DPP10: variants seen among roughly 807,000 people sequenced by gnomAD.
DPP10 encodes the protein inactive dipeptidyl peptidase 10.
DPP10 carries 33 observed loss-of-function variants against 120.9 expected under a neutral mutation model. The ratio of observed to expected loss-of-function variants is 0.27; its 90% CI spans 0.21 to 0.37. DPP10 has a LOEUF of 0.37. Ranked by LOEUF, DPP10 falls within the 10% of genes least tolerant of loss-of-function variation. DPP10 has a pLI of 1.00. For synonymous variants in DPP10, 337 were observed against 326.1 expected, an observed-to-expected ratio of 1.03 and a Z score of -0.36; for missense variants, 816 against 942.8, an observed-to-expected ratio of 0.87 and a Z score of 1.76.
intron 1 of DPP10, among the ~76,000 whole-genome samples, chr2:114,566,629 C>T (rs1689221468): frequency 6.6e-6 from 1 of 152,076 alleles, no homozygotes; most frequent in South Asian, 2.1e-4. Flanking sequence ...ATTTTTAATT[C>T]TGATTGAATG....
At chr2:115,607,873 A>ACTCT (rs1178258901) in intron 5 of DPP10, among the ~76,000 whole-genome samples, 1 of 152,206 alleles carries the variant, frequency 6.6e-6, no homozygotes, top group Non-Finnish European at 1.5e-5. Context: ...AATATGTAGA[A>ACTCT]ACCAGAGAAT....
chr2:115,466,821 C>T (rs1558704442), intron 3 of DPP10, among the ~76,000 whole-genome samples: 1 of 152,102 alleles, frequency 6.6e-6, no homozygotes, highest in African/African-American at 2.4e-5. Context: ...TTTGTTTACT[C>T]ACAGGTAAAA....
chr2:114,921,954 T>C (rs1397884107), intron 1 of DPP10, among the ~76,000 whole-genome samples: 1 of 152,230 alleles, frequency 6.6e-6, no homozygotes, highest in East Asian at 1.9e-4. Flanking sequence ...ACTCTACTAC[T>C]TTTTGAGGTT....
chr2:114,509,026 GAGAGAGAGAA>G (rs1179977895), intron 1 of DPP10, among the ~76,000 whole-genome samples: 1 of 152,154 alleles, frequency 6.6e-6, no homozygotes, highest in Non-Finnish European at 1.5e-5. Context: ...AAGAGAGAGA[GAGAGAGAGAA>G]AGAGAGAGAG....
chr2:115,622,323 T>C (rs2085012657), intron 5 of DPP10, among the ~76,000 whole-genome samples: 1 of 152,158 alleles, frequency 6.6e-6, no homozygotes, highest in South Asian at 2.1e-4. Context: ...TTAGTATGTT[T>C]TTGAGATTCA....
At chr2:114,595,446 GA>G (rs1691828012) in intron 1 of DPP10, among the ~76,000 whole-genome samples, 2 of 152,098 alleles carry the variant, frequency 1.3e-5, no homozygotes, top group Non-Finnish European at 2.9e-5. Flanking sequence ...AGAAATTGTA[GA>G]AAAGAAGGGT....
At chr2:115,702,353 A>G (rs574336029) in intron 7 of DPP10, among the ~76,000 whole-genome samples, 2 of 152,202 alleles carry the variant, frequency 1.3e-5, no homozygotes, top group East Asian at 1.9e-4. Flanking sequence ...TCCTAGGTAT[A>G]TGCCTAAAAG....
intron 1 of DPP10, among the ~76,000 whole-genome samples, chr2:114,453,700 A>C (rs373195957): frequency 1.3e-5 from 2 of 152,172 alleles, no homozygotes; most frequent in African/African-American, 4.8e-5. Context: ...ACCTAAAGAC[A>C]TACCAGAGCA....
At chr2:114,830,461 G>C (rs1429837717) in intron 1 of DPP10, among the ~76,000 whole-genome samples, 1 of 152,034 alleles carries the variant, frequency 6.6e-6, no homozygotes, top group Non-Finnish European at 1.5e-5. Flanking sequence ...AAAATGTCAC[G>C]TTCTGTTTAC....
chr2:114,877,828 C>T (rs890861983), intron 1 of DPP10, among the ~76,000 whole-genome samples: 1 of 151,920 alleles, frequency 6.6e-6, no homozygotes, highest in Admixed American at 6.6e-5. Context: ...CTCTTCTGCA[C>T]ACCATATGAT....
At chr2:115,767,163 G>C (rs751764704) in intron 12 of DPP10, among the ~76,000 whole-genome samples, 61 of 152,148 alleles carry the variant, frequency 4.0e-4, no homozygotes, top group Non-Finnish European at 6.8e-4. Context: ...AAAGAGATAA[G>C]AGGAAGATCC....
chr2:115,679,853 A>G (rs1205812684), intron 5 of DPP10, among the ~76,000 whole-genome samples: 1 of 152,070 alleles, frequency 6.6e-6, no homozygotes, highest in Non-Finnish European at 1.5e-5. Context: ...TGTAGGAGTA[A>G]GAGAAGATAG....
At chr2:115,409,931 G>A (rs542601884) in intron 3 of DPP10, among the ~76,000 whole-genome samples, 21 of 152,310 alleles carry the variant, frequency 1.4e-4, no homozygotes, top group African/African-American at 4.8e-4. Flanking sequence ...TCAACATCGT[G>A]TGTTCTCACA....
chr2:114,622,937 G>A lies in DPP10; in HGVS notation c.60+180099G>A, dbSNP rs188388032. Among the ~76,000 whole-genome samples the A allele has an allele frequency of 1.8e-3, 268 of 152,180 alleles. 2 individuals carry two copies. The highest frequency in any genetic ancestry group is 2.7e-3 in the Non-Finnish European group (184 of 67,970). On this transcript the variant is annotated intron_variant, in intron 1 of 25. Coordinates refer to ENST00000410059, the MANE Select transcript of DPP10 (RefSeq NM_020868.6). ...GATGTTCTGCCATATAAAATCAAAT[G>A]AGCCCAGGCTTACATGGAGGGTATT...
rs1207824606 is a variant in DPP10 at position 115,468,028 on chromosome 2, C to T, written c.272-31482C>T. 15 of 361,408 alleles carry T rather than the reference C, an allele frequency of 4.2e-5. No homozygotes were observed. In the Admixed American group the frequency reaches 4.3e-4, roughly 10 times the overall value. 22.4% of individuals were successfully genotyped at this position (361,408 alleles called of 1,614,324 possible). A position where few individuals can be genotyped will look rare whatever the true frequency, so the allele number is the denominator to read the frequency against. On this transcript the variant is annotated intron_variant, in intron 3 of 25. Coordinates refer to ENST00000410059, the MANE Select transcript of DPP10 (RefSeq NM_020868.6). Reference sequence around the variant, plus strand: ...AAGGGCCCAGATGGTACTGGATTCCCGCTGTAACTTAAAGGGAAGCTTTTA... The same window carrying T: ...AAGGGCCCAGATGGTACTGGATTCCTGCTGTAACTTAAAGGGAAGCTTTTA...
chr2:114,694,489 C>A (rs1014091631), intron 1 of DPP10, among the ~76,000 whole-genome samples: 2 of 151,782 alleles, frequency 1.3e-5, no homozygotes, highest in African/African-American at 2.4e-5. Flanking sequence ...GGATAGTTTG[C>A]AGTGAAGGAA....
intron 1 of DPP10, among the ~76,000 whole-genome samples, chr2:114,723,287 T>C (rs2105914031): frequency 6.6e-6 from 1 of 152,324 alleles, no homozygotes; most frequent in South Asian, 2.1e-4. Flanking sequence ...TCATAAATGT[T>C]TAGCCTTATC....
At chr2:115,028,953 A>G (rs572724862) in intron 1 of DPP10, among the ~76,000 whole-genome samples, 13 of 152,128 alleles carry the variant, frequency 8.5e-5, no homozygotes, top group African/African-American at 2.9e-4. Flanking sequence ...GTGTGTTTAT[A>G]GTAAGGTAGG....
intron 1 of DPP10, among the ~76,000 whole-genome samples, chr2:115,269,208 G>T (rs1273951429): frequency 6.6e-5 from 10 of 152,188 alleles, no homozygotes; most frequent in Non-Finnish European, 4.4e-5. Flanking sequence ...GCATTAACTG[G>T]TTTAAAGCTC....
Sources: gnomAD v4.1 joint callset for allele counts (sites outside exome capture counted in the v4.1 genomes callset) on GRCh38, gnomAD v4.1.1 for gene constraint, MANE v1.5 for transcripts, NCBI Gene and HGNC (gene_info 2026-07-23, HGNC 2026-07-21) for gene names.